The following XKR4 variants were observed in gnomAD, a reference collection of about 807,000 sequenced individuals.
XKR4 encodes XK related 4.
A neutral mutation model predicts 53.9 loss-of-function variants in XKR4; 12 were observed. The observed-to-expected ratio is 0.22, with a 90% CI of 0.14 to 0.36. The LOEUF (loss-of-function observed/expected upper bound fraction) is 0.36. Among genes scored for constraint, XKR4 ranks in the 10% least tolerant of loss-of-function variants. The pLI is 1.00. For synonymous variants in XKR4, 354 were observed against 362.4 expected (o/e 0.98, Z 0.26); for missense variants, 799 against 859.5 (o/e 0.93, Z 0.88).
intron 2 of XKR4, among the ~76,000 whole-genome samples, chr8:55,414,695 T>C: frequency 6.6e-6 from 1 of 152,026 alleles, no homozygotes; most frequent in Admixed American, 6.6e-5. Context: ...AAGAGGCAGC[T>C]GACCACATAT....
chr8:55,262,484 G>A (rs1463488651), intron 1 of XKR4, among the ~76,000 whole-genome samples: 1 of 152,216 alleles, frequency 6.6e-6, no homozygotes, highest in African/African-American at 2.4e-5. Flanking sequence ...TTAGTTAAGG[G>A]CAGGAAGGTA....
At chr8:55,272,232 G>C (rs1435001538) in intron 1 of XKR4, among the ~76,000 whole-genome samples, 1 of 152,158 alleles carries the variant, frequency 6.6e-6, no homozygotes, top group Non-Finnish European at 1.5e-5. Context: ...ATTGCTATCA[G>C]AGCAAGAACA....
chr8:55,478,231 G>A (rs11991330), intron 2 of XKR4, among the ~76,000 whole-genome samples: 1 of 152,046 alleles, frequency 6.6e-6, no homozygotes, highest in Non-Finnish European at 1.5e-5. Context: ...CCAGAAGAGA[G>A]TGGGGGCCAA....
At chr8:55,509,265 C>T (rs1394122329) in intron 2 of XKR4, among the ~76,000 whole-genome samples, 1 of 152,196 alleles carries the variant, frequency 6.6e-6, no homozygotes, top group African/African-American at 2.4e-5. Flanking sequence ...CAGAACTACT[C>T]ACTATGTTGC....
rs1033643331 is a variant in XKR4, at chr8:55,529,322, G to A, written c.*5095G>A. On this transcript the variant is annotated 3_prime_UTR_variant, in exon 3 of 3. Transcript: ENST00000327381. ...TTGAGGCCTATATTCTGCTAAACAA[G>A]AGATGACTTAATGTCCTTGAAATAT... 6.6e-6 allele frequency: 1 copy of A among 151,964 alleles called. No homozygotes were observed. Among genetic ancestry groups the A allele is most frequent in the Admixed American group, 6.6e-5 (1 of 15,238 alleles). 9.4% of individuals were successfully genotyped at this position (151,964 alleles called of 1,614,324 possible). A position where few individuals can be genotyped will look rare whatever the true frequency, so the allele number is the denominator to read the frequency against.
At position 55,523,345 on chromosome 8, in the gene XKR4, C is replaced by T. The variant is rs1460863768; in HGVS notation, c.1071C>T (p.Leu357=). ...AWALASYQKA[L]RDSRDDKKPI... The stretch of plus-strand genomic sequence containing the variant: ...CCTTGGCCTCCTACCAGAAGGCCCT[C>T]CGGGACTCTCGAGATGACAAGAAGC... Residue 357 remains leucine (L), a synonymous_variant, in exon 3 of 3, where the codon CTC becomes CTT. Transcript: ENST00000327381. 1 of 1,614,154 alleles carries T rather than the reference C, an allele frequency of 6.2e-7. No individual in the cohort carries two copies.
intron 1 of XKR4, among the ~76,000 whole-genome samples, chr8:55,281,610 A>G (rs1016084268): frequency 1.3e-5 from 2 of 152,240 alleles, no homozygotes; most frequent in African/African-American, 2.4e-5. Flanking sequence ...AGGGAAATAC[A>G]GACTGCATGG....
chr8:55,125,586 T>C (rs994708304), intron 1 of XKR4, among the ~76,000 whole-genome samples: 3 of 152,184 alleles, frequency 2.0e-5, no homozygotes, highest in African/African-American at 7.2e-5. Flanking sequence ...AAAATCCTTT[T>C]ACAAAATAAG....
chr8:55,479,860 C>CTG (rs1435464027), intron 2 of XKR4, among the ~76,000 whole-genome samples: 1 of 147,352 alleles, frequency 6.8e-6, no homozygotes, highest in African/African-American at 2.7e-5. Flanking sequence ...AAGAAGTTGA[C>CTG]TCTCTGAATA....
intron 2 of XKR4, among the ~76,000 whole-genome samples, chr8:55,395,204 G>C (rs561509239): frequency 6.6e-6 from 1 of 152,030 alleles, no homozygotes; most frequent in African/African-American, 2.4e-5. Flanking sequence ...GGAATTGTTC[G>C]AGGAAACTCC....
intron 1 of XKR4, among the ~76,000 whole-genome samples, chr8:55,242,341 G>A (rs774811629): frequency 9.2e-5 from 14 of 152,096 alleles, no homozygotes; most frequent in East Asian, 5.8e-4. Flanking sequence ...GTGGGAACCC[G>A]TCTACAGCAG....
chr8:55,477,719 T>C (rs907885156), intron 2 of XKR4, among the ~76,000 whole-genome samples: 3 of 152,060 alleles, frequency 2.0e-5, no homozygotes, highest in East Asian at 1.9e-4. Context: ...AAGGAGCTGA[T>C]GGAGCTGAAA....
chr8:55,514,248 CTTTT>C (rs71256544), intron 2 of XKR4, among the ~76,000 whole-genome samples: 5 of 108,892 alleles, frequency 4.6e-5, no homozygotes, highest in Admixed American at 2.0e-4. Flanking sequence ...TGCTGGGATT[CTTTT>C]TTTTTTTTTT....
At chr8:55,233,084 C>T (rs1449827303) in intron 1 of XKR4, among the ~76,000 whole-genome samples, 1 of 152,180 alleles carries the variant, frequency 6.6e-6, no homozygotes, top group Admixed American at 6.5e-5. Context: ...TCACTTTACA[C>T]TCTGTGTTTT....
At chr8:55,200,638 T>A (rs1350822591) in intron 1 of XKR4, among the ~76,000 whole-genome samples, 2 of 152,174 alleles carry the variant, frequency 1.3e-5, no homozygotes, top group Non-Finnish European at 2.9e-5. Flanking sequence ...ATTCTCTAAT[T>A]CAGATTTGCA....
chr8:55,263,207 T>C (rs1818552559), intron 1 of XKR4, among the ~76,000 whole-genome samples: 1 of 152,186 alleles, frequency 6.6e-6, no homozygotes, highest in South Asian at 2.1e-4. Context: ...GCTTTAAACC[T>C]TTCTATGGCA....
chr8:55,346,639 C>T (rs1351117973), intron 1 of XKR4, among the ~76,000 whole-genome samples: 1 of 150,140 alleles, frequency 6.7e-6, no homozygotes, highest in East Asian at 1.9e-4. Context: ...GATGACAAGT[C>T]ATACAATTTT....
At chr8:55,465,696 G>T (rs1238093696) in intron 2 of XKR4, among the ~76,000 whole-genome samples, 1 of 152,046 alleles carries the variant, frequency 6.6e-6, no homozygotes, top group African/African-American at 2.4e-5. Flanking sequence ...AGAGTGAACA[G>T]GCAACCTACA....
intron 2 of XKR4, among the ~76,000 whole-genome samples, chr8:55,358,661 G>A (rs796892333): frequency 9.2e-5 from 14 of 152,242 alleles, no homozygotes; most frequent in African/African-American, 2.9e-4. Context: ...TGATGGATAA[G>A]AGGGCATTTT....
Sources: allele counts gnomAD v4.1 joint callset (sites outside exome capture counted in the v4.1 genomes callset), GRCh38; gene constraint gnomAD v4.1.1; transcripts MANE v1.5; gene names NCBI Gene and HGNC (gene_info 2026-07-23, HGNC 2026-07-21).